BBS9: variants seen among roughly 807,000 people sequenced by gnomAD.
The protein encoded by BBS9 is Bardet-Biedl syndrome 9, also known as protein PTHB1.
In BBS9, 89 loss-of-function variants were observed where a neutral mutation model predicts 117.7. The ratio of observed to expected loss-of-function variants is 0.76; its 90% CI spans 0.64 to 0.90. The LOEUF is 0.90. BBS9 is among the 40% of genes least tolerant of loss of function. The pLI, the probability that BBS9 is intolerant of heterozygous loss-of-function variation, is 0.00. For synonymous variants in BBS9, 379 were observed against 370.9 expected, an observed-to-expected ratio of 1.02 and a Z score of -0.25; for missense variants, 982 against 1,042.2, an observed-to-expected ratio of 0.94 and a Z score of 0.80.
chr7:33,150,709 A>T (rs937821033), intron 2 of BBS9, among the ~76,000 whole-genome samples: 17 of 152,188 alleles, frequency 1.1e-4, no homozygotes, highest in African/African-American at 4.1e-4. Flanking sequence ...CAGGGCTTGT[A>T]TCTTGGGGAA....
intron 16 of BBS9, among the ~76,000 whole-genome samples, chr7:33,362,863 ATC>A (rs1820885849): frequency 6.6e-6 from 1 of 152,156 alleles, no homozygotes; most frequent in African/African-American, 2.4e-5. Flanking sequence ...GAGAACCAAT[ATC>A]TTAACAATAT....
chr7:33,133,462 T>C (rs1427140064), intron 1 of BBS9, among the ~76,000 whole-genome samples: 2 of 152,204 alleles, frequency 1.3e-5, no homozygotes, highest in Non-Finnish European at 2.9e-5. Flanking sequence ...CTACTTTCTG[T>C]CTTTATGAAT....
chr7:33,520,974 C>T (rs1848508053), intron 20 of BBS9, among the ~76,000 whole-genome samples: 2 of 152,082 alleles, frequency 1.3e-5, no homozygotes, highest in Admixed American at 6.6e-5. Context: ...TTTGCATTAT[C>T]AATTTGATTT....
intron 20 of BBS9, among the ~76,000 whole-genome samples, chr7:33,514,425 A>T (rs181754332): frequency 6.6e-6 from 1 of 152,162 alleles, no homozygotes; most frequent in Non-Finnish European, 1.5e-5. Flanking sequence ...CTGGAGTTTG[A>T]TGGAAAACAT....
chr7:33,564,859 G>A (rs1015214445), intron 21 of BBS9, among the ~76,000 whole-genome samples: 3 of 152,162 alleles, frequency 2.0e-5, no homozygotes, highest in Admixed American at 1.3e-4. Context: ...TCTTTTTGAG[G>A]TAAAGAATGA....
At chr7:33,440,678 G>A (rs555048148) in intron 19 of BBS9, among the ~76,000 whole-genome samples, 14 of 152,274 alleles carry the variant, frequency 9.2e-5, no homozygotes, top group African/African-American at 3.1e-4. Context: ...AAAACGTACT[G>A]AATCACAGCA....
chr7:33,485,867 A>T (rs1395865189), intron 19 of BBS9, among the ~76,000 whole-genome samples: 2 of 152,168 alleles, frequency 1.3e-5, no homozygotes, highest in African/African-American at 4.8e-5. Context: ...GCTGGAATGG[A>T]GATAGCTGGT....
At chr7:33,524,664 C>T (rs1013011541) in intron 20 of BBS9, among the ~76,000 whole-genome samples, 7 of 152,048 alleles carry the variant, frequency 4.6e-5, no homozygotes, top group African/African-American at 1.2e-4. Context: ...GTCTTGCTAG[C>T]GGTCTATCAA....
chr7:33,558,250 T>A (rs1855578750), intron 21 of BBS9, among the ~76,000 whole-genome samples: 1 of 152,130 alleles, frequency 6.6e-6, no homozygotes, highest in Non-Finnish European at 1.5e-5. Context: ...ACAAAAAAGA[T>A]CATTACTAAC....
intron 17 of BBS9, among the ~76,000 whole-genome samples, chr7:33,378,609 A>G (rs974614332): frequency 4.6e-5 from 7 of 152,178 alleles, no homozygotes; most frequent in Admixed American, 2.6e-4. Flanking sequence ...ACTTATTCAC[A>G]TTTCATTTTG....
At chr7:33,503,236 G>T (rs1221977814) in intron 19 of BBS9, among the ~76,000 whole-genome samples, 3 of 152,132 alleles carry the variant, frequency 2.0e-5, no homozygotes, top group African/African-American at 7.2e-5. Context: ...CGTTAAACAA[G>T]TTCAGGCCCG....
intron 5 of BBS9, among the ~76,000 whole-genome samples, chr7:33,182,800 A>G (rs1320256063): frequency 6.6e-6 from 1 of 152,174 alleles, no homozygotes; most frequent in African/African-American, 2.4e-5. Flanking sequence ...GTTTCCCTTT[A>G]AAGCATTCAG....
chr7:33,154,851 C>T (rs999683597), intron 3 of BBS9, among the ~76,000 whole-genome samples: 2 of 152,242 alleles, frequency 1.3e-5, no homozygotes, highest in Non-Finnish European at 2.9e-5. Flanking sequence ...CCAATGCTTT[C>T]TGGCTTTTCT....
At chr7:33,247,714 A>G (rs892641683) in intron 5 of BBS9, among the ~76,000 whole-genome samples, 2 of 152,212 alleles carry the variant, frequency 1.3e-5, no homozygotes, top group Non-Finnish European at 2.9e-5. Context: ...CTCCTAGCAC[A>G]TACTAGGTGT....
At chr7:33,607,882 T>C (rs1310494011), downstream of BBS9, among the ~76,000 whole-genome samples, 6 of 147,374 alleles carry the variant, frequency 4.1e-5, no homozygotes, top group African/African-American at 7.4e-5. Flanking sequence ...ATAGCTCTCT[T>C]TTTTTTTTTT....
chr7:33,432,059 T>C (rs1293039925), intron 19 of BBS9, among the ~76,000 whole-genome samples: 1 of 152,026 alleles, frequency 6.6e-6, no homozygotes, highest in African/African-American at 2.4e-5. Context: ...GTTAAACATT[T>C]TTGCCAGGAT....
intron 5 of BBS9, among the ~76,000 whole-genome samples, chr7:33,181,113 C>T (rs1264213868): frequency 6.6e-6 from 1 of 152,090 alleles, no homozygotes; most frequent in African/African-American, 2.4e-5. Flanking sequence ...CCTCATATGG[C>T]TTAGGGAGGA....
intron 19 of BBS9, chr7:33,390,133 C>T: frequency 2.5e-6 from 1 of 403,536 alleles, no homozygotes; most frequent in Non-Finnish European, 3.3e-6. Flanking sequence ...TTTCTTTGTT[C>T]ACTTTTCTTT....
chr7:33,468,426 G>T (rs1053949605), intron 19 of BBS9, among the ~76,000 whole-genome samples: 2 of 151,996 alleles, frequency 1.3e-5, no homozygotes, highest in Non-Finnish European at 2.9e-5. Context: ...ATATTTATGG[G>T]ATACATGTGA....
Sources: allele counts gnomAD v4.1 joint callset (sites outside exome capture counted in the v4.1 genomes callset), GRCh38; gene constraint gnomAD v4.1.1; transcripts MANE v1.5; gene names NCBI Gene and HGNC (gene_info 2026-07-23, HGNC 2026-07-21).